AKAP9: variants seen among roughly 807,000 people sequenced by gnomAD.
AKAP9 encodes the protein A-kinase anchor protein 9.
In AKAP9, 311 loss-of-function variants were observed where a neutral mutation model predicts 488.5. That is an observed-to-expected ratio of 0.64 (90% CI 0.58 to 0.70). AKAP9 has a LOEUF of 0.70. Among genes scored for constraint, AKAP9 ranks in the 30% least tolerant of loss-of-function variants. The pLI, the probability that AKAP9 is intolerant of heterozygous loss-of-function variation, is 0.00. For missense variants in AKAP9, 4,215 were observed against 4,374.5 expected (o/e 0.96, Z 1.03); for synonymous variants, 1,462 against 1,483.5 (o/e 0.99, Z 0.33).
intron 20 of AKAP9, among the ~76,000 whole-genome samples, chr7:92,043,920 C>G (rs1403730349): frequency 2.0e-5 from 3 of 152,092 alleles, no homozygotes; most frequent in African/African-American, 7.2e-5. Flanking sequence ...TTTATTTTGT[C>G]TGCATGTATA....
intron 1 of AKAP9, among the ~76,000 whole-genome samples, chr7:91,971,299 C>T (rs1266277628): frequency 6.6e-6 from 1 of 152,070 alleles, no homozygotes; most frequent in Non-Finnish European, 1.5e-5. Flanking sequence ...GCAAATCTTT[C>T]TCAGTTCCAA....
Position 91,999,091 on chromosome 7 carries a change from T to C in AKAP9, c.931-1757T>C, listed in dbSNP as rs144613915. Among the ~76,000 whole-genome samples, 9 of 152,316 alleles carry C rather than the reference T, an allele frequency of 5.9e-5. No individual in the cohort carries two copies. In the East Asian group the frequency reaches 1.7e-3, roughly 29 times the overall value. On this transcript the variant is annotated intron_variant, in intron 7 of 49. Coordinates refer to ENST00000356239, the MANE Select transcript of AKAP9 (RefSeq NM_005751.5). ...AAGAGGCTGCATAGGATAACATTCA[T>C]TGCCTTGGTTAATTTATATAGTACA...
At chr7:91,995,041 G>A (rs1173300874) in intron 6 of AKAP9, among the ~76,000 whole-genome samples, 2 of 152,062 alleles carry the variant, frequency 1.3e-5, no homozygotes, top group Non-Finnish European at 2.9e-5. Flanking sequence ...GGGTATTTCT[G>A]CAGAAATTAA....
At chr7:92,035,750 C>A (rs1324379212) in intron 16 of AKAP9, among the ~76,000 whole-genome samples, 1 of 152,062 alleles carries the variant, frequency 6.6e-6, no homozygotes, top group Non-Finnish European at 1.5e-5. Flanking sequence ...CTTCAGAATT[C>A]TTTAGTTGTT....
Position 92,097,967 on chromosome 7 carries a change from A to T in AKAP9, c.10608-142A>T, listed in dbSNP as rs1816902169. ...TCAAATGTCTGAAAACAACTATCTA[A>T]CACTTTGACCCAGGGAAGAAAGCAT... On this transcript the variant is annotated intron_variant, in intron 42 of 49. Coordinates refer to ENST00000356239, the MANE Select transcript of AKAP9 (RefSeq NM_005751.5). 5 of 858,632 alleles carry T rather than the reference A, an allele frequency of 5.8e-6. No homozygotes were observed. In the South Asian group the frequency reaches 7.4e-5, roughly 13 times the overall value. The allele number at this position is 858,632 out of a possible 1,614,324, so 53.2% of individuals were successfully genotyped here.
chr7:92,009,610 G>T (rs1030561036), intron 8 of AKAP9, among the ~76,000 whole-genome samples: 1 of 152,118 alleles, frequency 6.6e-6, no homozygotes, highest in African/African-American at 2.4e-5. Context: ...GGGAAGAAAA[G>T]AAGGAAAGAA....
intron 7 of AKAP9, among the ~76,000 whole-genome samples, chr7:91,998,826 C>T (rs1393521010): frequency 6.6e-6 from 1 of 151,814 alleles, no homozygotes; most frequent in African/African-American, 2.4e-5. Flanking sequence ...ATTAATAGTA[C>T]AGTAAGAATA....
chr7:91,967,652 G>T (rs958523085), intron 1 of AKAP9, among the ~76,000 whole-genome samples: 12 of 152,062 alleles, frequency 7.9e-5, no homozygotes, highest in Non-Finnish European at 1.8e-4. Flanking sequence ...GATGAATCCC[G>T]CTTGATCATG....
intron 3 of AKAP9, among the ~76,000 whole-genome samples, chr7:91,980,698 G>C (rs932282790): frequency 1.3e-5 from 2 of 151,168 alleles, no homozygotes; most frequent in Non-Finnish European, 1.5e-5. Flanking sequence ...TTTGAGTAAT[G>C]CTTTTTTATA....
Position 92,110,252 on chromosome 7 carries a change from T to C in AKAP9, c.*93T>C, listed in dbSNP as rs1374730193. ...GTGCTTTTGTATTGTGAATATTCAA[T>C]GGGACCAATATGAACACAGCTTATG... On this transcript the variant is annotated 3_prime_UTR_variant, in exon 50 of 50. Transcript: ENST00000356239. The C allele has an allele frequency of 1.1e-5, 11 of 1,009,174 alleles. No homozygotes were observed. In the Admixed American group the frequency reaches 1.8e-4, roughly 16 times the overall value. The allele number at this position is 1,009,174 out of a possible 1,614,324, so 62.5% of individuals were successfully genotyped here. A position where few individuals can be genotyped will look rare whatever the true frequency, so the allele number is the denominator to read the frequency against.
chr7:91,992,661 CAAAAAAAAAA>C (rs770870521), intron 4 of AKAP9, among the ~76,000 whole-genome samples: 2 of 46,634 alleles, frequency 4.3e-5, no homozygotes, highest in East Asian at 5.0e-4. Context: ...AAGACTCTGT[CAAAAAAAAAA>C]AAAAAAAAAA....
At chr7:92,068,087 G>C (rs530885989) in intron 26 of AKAP9, among the ~76,000 whole-genome samples, 1 of 152,008 alleles carries the variant, frequency 6.6e-6, no homozygotes, top group African/African-American at 2.4e-5. Flanking sequence ...AGGGCTGGGC[G>C]TGATGGCTCA....
chr7:92,100,174 T>G, intron 44 of AKAP9: 1 of 320,732 alleles, frequency 3.1e-6, no homozygotes, highest in Non-Finnish European at 5.9e-6. Flanking sequence ...TACTTGTATC[T>G]CCAAAGCCAG....
chr7:92,018,435 CACACACAG>C (rs59727600), intron 12 of AKAP9, among the ~76,000 whole-genome samples: 43,708 of 140,836 alleles, frequency 0.31, 6,589 homozygotes, highest in Non-Finnish European at 0.34. Context: ...CACACACACA[CACACACAG>C]AGAAATATTC....
intron 2 of AKAP9, among the ~76,000 whole-genome samples, chr7:91,975,709 T>A (rs1005063431): frequency 4.6e-5 from 7 of 152,196 alleles, no homozygotes; most frequent in African/African-American, 1.4e-4. Context: ...TTTCTCCTAA[T>A]AAGGGGAAAG....
chr7:92,018,203 GA>G (rs377206921), intron 12 of AKAP9, among the ~76,000 whole-genome samples: 64 of 152,072 alleles, frequency 4.2e-4, no homozygotes, highest in African/African-American at 1.5e-3. Flanking sequence ...AATTTTATAT[GA>G]TTTTTTTTTC....
At chr7:92,100,534 A>G (rs1241390317) in intron 44 of AKAP9, among the ~76,000 whole-genome samples, 1 of 152,166 alleles carries the variant, frequency 6.6e-6, no homozygotes, top group African/African-American at 2.4e-5. Context: ...CCAGTACACT[A>G]TTTCAGGCAC....
chr7:92,054,739 T>C (rs1453395315), intron 22 of AKAP9, among the ~76,000 whole-genome samples: 1 of 152,042 alleles, frequency 6.6e-6, no homozygotes, highest in Non-Finnish European at 1.5e-5. Flanking sequence ...ATTACAACGG[T>C]TTTACCTCTC....
At chr7:92,009,607 AAAG>A (rs1368348401) in intron 8 of AKAP9, among the ~76,000 whole-genome samples, 2 of 152,212 alleles carry the variant, frequency 1.3e-5, no homozygotes, top group African/African-American at 4.8e-5. Context: ...AGGGGGAAGA[AAAG>A]AAGGAAAGAA....
Sources: allele counts gnomAD v4.1 joint callset (sites outside exome capture counted in the v4.1 genomes callset), GRCh38; gene constraint gnomAD v4.1.1; transcripts MANE v1.5; gene names NCBI Gene and HGNC (gene_info 2026-07-23, HGNC 2026-07-21).